The following HERC6 variants were observed in gnomAD, a reference collection of about 807,000 sequenced individuals.
HERC6 encodes probable E3 ubiquitin-protein ligase HERC6.
Under a neutral mutation model 114.5 loss-of-function variants are expected in HERC6, and 101 were observed. The ratio of observed to expected loss-of-function variants is 0.88; its 90% CI spans 0.75 to 1.04. The LOEUF is 1.04. Among genes scored for constraint, HERC6 ranks in the 50% least tolerant of loss-of-function variants. The pLI, the probability that HERC6 is intolerant of heterozygous loss-of-function variation, is 0.00. For synonymous variants in HERC6, 408 were observed against 436.2 expected, an observed-to-expected ratio of 0.94 and a Z score of 0.81; for missense variants, 1,133 against 1,230.9, an observed-to-expected ratio of 0.92 and a Z score of 1.19.
chr4:88,408,282 T>G (rs1735905910), intron 10 of HERC6, among the ~76,000 whole-genome samples: 1 of 152,232 alleles, frequency 6.6e-6, no homozygotes, highest in South Asian at 2.1e-4. Context: ...ATTTTGTTAA[T>G]ATGGCAGTCC....
In HERC6 at chr4:88,423,970, C is replaced by G; in HGVS notation, c.1824C>G (p.His608Gln). ...GAAGACAGCTCTTTCGGGATAACCA[C>G]CTGGTAAGAATAACATTTTTACTTC... ...DRGRQLFRDN[H>Q]LIPAETPSPV... Residue 608 changes from histidine (H) to glutamine (Q), a missense_variant, in exon 14 of 23, where the codon CAC becomes CAG. Transcript: ENST00000264346. 7.2e-7 allele frequency: 1 copy of G among 1,387,098 alleles called. No homozygotes were observed. Among genetic ancestry groups the G allele is most frequent in the Non-Finnish European group, 1.0e-6 (1 of 1,004,956 alleles). 85.9% of individuals were successfully genotyped at this position (1,387,098 alleles called of 1,614,324 possible).
chr4:88,388,905 C>T (rs1241735571), intron 3 of HERC6, among the ~76,000 whole-genome samples: 1 of 152,208 alleles, frequency 6.6e-6, no homozygotes, highest in African/African-American at 2.4e-5. Context: ...GCTATGCTTG[C>T]ACTTCCAGCC....
chr4:88,429,294 G>C (rs1382593259), intron 16 of HERC6, among the ~76,000 whole-genome samples: 1 of 152,220 alleles, frequency 6.6e-6, no homozygotes, highest in Non-Finnish European at 1.5e-5. Flanking sequence ...CTGAACCTAA[G>C]TCAAAGGCTA....
intron 4 of HERC6, among the ~76,000 whole-genome samples, chr4:88,392,968 G>T (rs1490385053): frequency 6.6e-6 from 1 of 152,210 alleles, no homozygotes; most frequent in African/African-American, 2.4e-5. Context: ...CCCATGGCCT[G>T]CTATGGCATG....
chr4:88,410,831 G>A (rs1736057571), intron 11 of HERC6, among the ~76,000 whole-genome samples: 1 of 152,152 alleles, frequency 6.6e-6, no homozygotes, highest in South Asian at 2.1e-4. Flanking sequence ...GGGATTTTAT[G>A]GAGACAAATG....
chr4:88,424,972 G>A (rs748385702), intron 15 of HERC6, among the ~76,000 whole-genome samples: 1 of 152,192 alleles, frequency 6.6e-6, no homozygotes, highest in Non-Finnish European at 1.5e-5. Context: ...AGTGGTTCAA[G>A]TGGCAACCAC....
At chr4:88,380,347 AATATAAATATATATATAAT>A (rs1734232878) in intron 1 of HERC6, among the ~76,000 whole-genome samples, 2 of 8,152 alleles carry the variant, frequency 2.5e-4, no homozygotes, top group Non-Finnish European at 1.9e-4. Flanking sequence ...ATATATATAT[AATATAAATATATATATAAT>A]ATATAAATAT....
chr4:88,417,937 C>A, intron 13 of HERC6, among the ~76,000 whole-genome samples: 2 of 132,910 alleles, frequency 1.5e-5, no homozygotes, highest in African/African-American at 3.2e-5. Flanking sequence ...CAGAGCAAAA[C>A]CACATTTCTT....
At chr4:88,397,645 C>T (rs1182500897) in intron 7 of HERC6, among the ~76,000 whole-genome samples, 3 of 151,252 alleles carry the variant, frequency 2.0e-5, no homozygotes, top group Non-Finnish European at 2.9e-5. Context: ...TGCAGTGAGC[C>T]GAGATCGTCC....
At chr4:88,394,862 T>C (rs1309409076) in intron 5 of HERC6, among the ~76,000 whole-genome samples, 1 of 152,298 alleles carries the variant, frequency 6.6e-6, no homozygotes, top group East Asian at 1.9e-4. Flanking sequence ...CAATTATTCA[T>C]TGACAATGTG....
intron 4 of HERC6, 94 bp from the exon 5 acceptor site, chr4:88,393,394 C>A: frequency 1.8e-6 from 1 of 569,846 alleles, no homozygotes. Context: ...ATCTCTTACA[C>A]AAAAAAAGAA....
At position 88,413,115 on chromosome 4, in the gene HERC6, T is replaced by C. The variant is rs958258656; in HGVS notation, c.1407T>C (p.Leu469=). The C allele has an allele frequency of 3.1e-6, 5 of 1,613,340 alleles. No individual in the cohort carries two copies. In the South Asian group the frequency reaches 4.4e-5, roughly 14 times the overall value. The change falls in exon 12 of 23, where the codon CTT becomes CTC. Residue 469 remains leucine (L), a synonymous_variant. Transcript: ENST00000264346. ...TCLEDDLLRA[L]PCHSPHQEAL... Reference sequence around the variant, plus strand: ...TCGAGGATGATCTGCTCAGAGCTCTTCCATGCCATTCTCCACACCAAGAAG... The same window carrying C: ...TCGAGGATGATCTGCTCAGAGCTCTCCCATGCCATTCTCCACACCAAGAAG...
chr4:88,409,596 G>A (rs1735985434), intron 11 of HERC6, among the ~76,000 whole-genome samples: 2 of 152,166 alleles, frequency 1.3e-5, no homozygotes, highest in Admixed American at 1.3e-4. Flanking sequence ...TAGGAAAAGA[G>A]CATTGGTTTG....
At position 88,394,280 on chromosome 4, in the gene HERC6, C is replaced by T. The variant is rs534550194; in HGVS notation, c.759+698C>T. Among the ~76,000 whole-genome samples the T allele has an allele frequency of 3.9e-5, 6 of 151,934 alleles. No homozygotes were observed. In the South Asian group the frequency reaches 8.3e-4, roughly 21 times the overall value. On this transcript the variant is annotated intron_variant, in intron 5 of 22. Coordinates refer to ENST00000264346, the MANE Select transcript of HERC6 (RefSeq NM_017912.4). ...ACGAGGTCAGGAGTTCAAGACCAGC[C>T]TGGCCAACATAGTGAAATCCCATCT...
chr4:88,438,125 CAAAA>C (rs746047106), intron 20 of HERC6, among the ~76,000 whole-genome samples: 1 of 43,934 alleles, frequency 2.3e-5, no homozygotes, highest in Non-Finnish European at 4.6e-5. Flanking sequence ...GACTGTGTCT[CAAAA>C]AAAAAAAAAA....
intron 13 of HERC6, among the ~76,000 whole-genome samples, chr4:88,421,321 C>T (rs1737025201): frequency 6.6e-6 from 1 of 152,158 alleles, no homozygotes; most frequent in Non-Finnish European, 1.5e-5. Context: ...ATATCTGGGT[C>T]ATATGGCAAC....
At position 88,423,930 on chromosome 4, in the gene HERC6, TTTATA is replaced by T; in HGVS notation, c.1786_1790del (p.Tyr596ArgfsTer2). On this transcript the variant is annotated frameshift_variant, in exon 14 of 23. Coordinates refer to ENST00000264346, the MANE Select transcript of HERC6 (RefSeq NM_017912.4). LOFTEE classifies it high-confidence loss of function. ...AATGAACTCTCCAACTTATTAAACT[TTTATA>T]TAGATAGAGGAAGACAGCTCTTTCG... The T allele has an allele frequency of 6.4e-7, 1 of 1,566,614 alleles. No homozygotes were observed. The highest frequency in any genetic ancestry group is 8.6e-7 in the Non-Finnish European group (1 of 1,156,710).
intron 8 of HERC6, among the ~76,000 whole-genome samples, chr4:88,403,935 G>C (rs1162657073): frequency 3.3e-5 from 5 of 151,936 alleles, no homozygotes; most frequent in Non-Finnish European, 7.4e-5. Context: ...TTGTTCAACT[G>C]TCACCATTAT....
At position 88,383,276 on chromosome 4, in the gene HERC6, G is replaced by T. The variant is rs754561831; in HGVS notation, c.255G>T (p.Glu85Asp). 6.2e-7 allele frequency: 1 copy of T among 1,604,646 alleles called. No homozygotes were observed. Among genetic ancestry groups the T allele is most frequent in the South Asian group, 1.1e-5 (1 of 88,992 alleles). The change falls in exon 2 of 23, where the codon GAG (glutamate) becomes GAT (aspartate). Residue 85 changes from glutamate (E) to aspartate (D), a missense_variant. By Grantham distance (45) the Glu-to-Asp change is conservative (BLOSUM62 2). Around this residue, in one of 3 missense-constraint regions of HERC6, gnomAD observed 735 missense variants for 754.0 expected, o/e 0.97. Transcript: ENST00000264346. Reference sequence around the variant, plus strand: ...TTGATCTCGTGAGCTGCGGGAAGGAGCACTCCCTGGCTGTGTGCCACAAAG... The same window carrying T: ...TTGATCTCGTGAGCTGCGGGAAGGATCACTCCCTGGCTGTGTGCCACAAAG... ...LIVDLVSCGK[E>D]HSLAVCHKGR...
Sources: gnomAD v4.1 joint callset for allele counts (sites outside exome capture counted in the v4.1 genomes callset) on GRCh38, gnomAD v4.1.1 for gene constraint, gnomAD v4.1.1 regional missense constraint, MANE v1.5 for transcripts, NCBI Gene and HGNC (gene_info 2026-07-23, HGNC 2026-07-21) for gene names.